PCDH9: variants seen among roughly 807,000 people sequenced by gnomAD.
The protein encoded by PCDH9 is protocadherin 9, also known as protocadherin-9.
PCDH9 carries 24 observed loss-of-function variants against 70.6 expected under a neutral mutation model. The observed-to-expected ratio is 0.34, with a 90% CI of 0.25 to 0.48. The LOEUF (loss-of-function observed/expected upper bound fraction) is 0.48, where lower values mean the gene tolerates loss of function less well. Among genes scored for constraint, PCDH9 ranks in the 20% least tolerant of loss-of-function variants. The pLI is 0.99. For synonymous variants in PCDH9, 562 were observed against 558.5 expected, an observed-to-expected ratio of 1.01 and a Z score of -0.09; for missense variants, 1,281 against 1,503.6, an observed-to-expected ratio of 0.85 and a Z score of 2.45.
intron 3 of PCDH9, among the ~76,000 whole-genome samples, chr13:66,781,159 A>C (rs1028702121): frequency 2.6e-5 from 4 of 152,178 alleles, no homozygotes; most frequent in African/African-American, 9.6e-5. Flanking sequence ...AATTGGGCCA[A>C]CTTCTACTTA....
chr13:66,671,385 G>A (rs976735425), intron 3 of PCDH9, among the ~76,000 whole-genome samples: 1 of 152,206 alleles, frequency 6.6e-6, no homozygotes, highest in South Asian at 2.1e-4. Context: ...GGTTGGAACA[G>A]TTTGGAAAGA....
chr13:66,880,961 CTACACCTTT>C (rs1251055357), intron 3 of PCDH9, among the ~76,000 whole-genome samples: 1 of 152,188 alleles, frequency 6.6e-6, no homozygotes, highest in Non-Finnish European at 1.5e-5. Context: ...GAGCAAATTA[CTACACCTTT>C]TACACCTCAG....
intron 2 of PCDH9, among the ~76,000 whole-genome samples, chr13:66,934,971 C>G (rs551425336): frequency 6.6e-6 from 1 of 151,698 alleles, no homozygotes; most frequent in Admixed American, 6.6e-5. Flanking sequence ...CCGCCCGCCT[C>G]GGCCTCCCAA....
At chr13:66,999,944 A>G (rs2078031043) in intron 2 of PCDH9, among the ~76,000 whole-genome samples, 1 of 152,170 alleles carries the variant, frequency 6.6e-6, no homozygotes, top group Non-Finnish European at 1.5e-5. Context: ...GGGATCTAGA[A>G]CTAGAAATAC....
intron 4 of PCDH9, among the ~76,000 whole-genome samples, chr13:66,582,931 AT>A: frequency 6.6e-6 from 1 of 152,026 alleles, no homozygotes; most frequent in Middle Eastern, 3.2e-3. Flanking sequence ...TAAATCCTCT[AT>A]TTACTCTCCA....
intron 2 of PCDH9, among the ~76,000 whole-genome samples, chr13:67,094,385 CT>C (rs1304478215): frequency 6.6e-6 from 1 of 152,122 alleles, no homozygotes; most frequent in Non-Finnish European, 1.5e-5. Flanking sequence ...GTAGGTAGCT[CT>C]GCAAAGAAAG....
chr13:66,765,013 T>C (rs1175311564), intron 3 of PCDH9, among the ~76,000 whole-genome samples: 1 of 151,218 alleles, frequency 6.6e-6, no homozygotes, highest in Non-Finnish European at 1.5e-5. Flanking sequence ...TCTCTCTCTG[T>C]CTCTTTCTCT....
At chr13:66,788,648 A>ATTTTTTTTTTTTTTTTTT (rs58386697) in intron 3 of PCDH9, among the ~76,000 whole-genome samples, 1 of 81,886 alleles carries the variant, frequency 1.2e-5, no homozygotes, top group Non-Finnish European at 2.3e-5. Flanking sequence ...CTAAACAGTA[A>ATTTTTTTTTTTTTTTTTT]TTTTTTTTTT....
intron 2 of PCDH9, among the ~76,000 whole-genome samples, chr13:67,152,023 G>T (rs1347118138): frequency 6.6e-6 from 1 of 152,100 alleles, no homozygotes; most frequent in African/African-American, 2.4e-5. Context: ...AGTTACATGA[G>T]ATAAACTGAA....
intron 2 of PCDH9, among the ~76,000 whole-genome samples, chr13:67,046,717 A>G (rs917399636): frequency 6.6e-6 from 1 of 152,130 alleles, no homozygotes; most frequent in African/African-American, 2.4e-5. Flanking sequence ...GTAAACCAAA[A>G]ATGACTATGC....
intron 3 of PCDH9, among the ~76,000 whole-genome samples, chr13:66,824,666 A>G (rs2080780531): frequency 2.2e-5 from 1 of 44,474 alleles, no homozygotes; most frequent in South Asian, 6.6e-4. Context: ...ATATATATAT[A>G]TATATATATA....
At chr13:66,691,106 T>C (rs976507864) in intron 3 of PCDH9, among the ~76,000 whole-genome samples, 1 of 152,146 alleles carries the variant, frequency 6.6e-6, no homozygotes, top group Admixed American at 6.6e-5. Flanking sequence ...GGCACCATCT[T>C]GACTCACTGA....
At chr13:66,334,166 T>C (rs1293908121) in intron 4 of PCDH9, among the ~76,000 whole-genome samples, 1 of 152,098 alleles carries the variant, frequency 6.6e-6, no homozygotes, top group Non-Finnish European at 1.5e-5. Context: ...CTTTAACCCA[T>C]TAACCAACCT....
intron 4 of PCDH9, among the ~76,000 whole-genome samples, chr13:66,339,556 T>C (rs954463955): frequency 2.0e-5 from 3 of 152,152 alleles, no homozygotes; most frequent in Non-Finnish European, 4.4e-5. Context: ...ACTATTAAGA[T>C]AGTATTTCTA....
At chr13:67,165,220 T>C (rs1347957685) in intron 2 of PCDH9, among the ~76,000 whole-genome samples, 1 of 152,158 alleles carries the variant, frequency 6.6e-6, no homozygotes, top group East Asian at 1.9e-4. Flanking sequence ...ATAAAAAAAG[T>C]TTGAGCTAAA....
At chr13:66,755,700 G>T (rs1427338639) in intron 3 of PCDH9, among the ~76,000 whole-genome samples, 37 of 152,064 alleles carry the variant, frequency 2.4e-4, no homozygotes, top group Non-Finnish European at 2.9e-5. Flanking sequence ...GGTAAATGGG[G>T]TGGGGAAATC....
At chr13:67,020,173 C>T (rs1703310882) in intron 2 of PCDH9, among the ~76,000 whole-genome samples, 1 of 152,014 alleles carries the variant, frequency 6.6e-6, no homozygotes. Flanking sequence ...TGCTTACAAA[C>T]AGAATCTATC....
chr13:66,456,391 G>A (rs1463980900), intron 4 of PCDH9, among the ~76,000 whole-genome samples: 3 of 151,922 alleles, frequency 2.0e-5, no homozygotes, highest in Admixed American at 6.6e-5. Context: ...TCTCCTGAGC[G>A]GCTAGGACTA....
chr13:66,980,130 A>G (rs1342603964), intron 2 of PCDH9, among the ~76,000 whole-genome samples: 13 of 145,214 alleles, frequency 9.0e-5, no homozygotes, highest in African/African-American at 3.1e-4. Flanking sequence ...CTATCTATCT[A>G]TCATCACTTC....
Sources: gnomAD v4.1 joint callset for allele counts (sites outside exome capture counted in the v4.1 genomes callset) on GRCh38, gnomAD v4.1.1 for gene constraint, MANE v1.5 for transcripts, NCBI Gene and HGNC (gene_info 2026-07-23, HGNC 2026-07-21) for gene names.